The following STK39 variants were observed in gnomAD, a reference collection of about 807,000 sequenced individuals.
STK39 encodes the protein STE20/SPS1-related proline-alanine-rich protein kinase.
A neutral mutation model predicts 77.8 loss-of-function variants in STK39; 20 were observed. That is an observed-to-expected ratio of 0.26 (90% CI 0.18 to 0.37). The LOEUF is 0.37. Ranked by LOEUF, STK39 falls within the 10% of genes least tolerant of loss-of-function variation. The pLI is 1.00. For missense variants in STK39, 479 were observed against 656.5 expected (o/e 0.73, Z 2.95); for synonymous variants, 246 against 234.1 (o/e 1.05, Z -0.47).
chr2:168,060,580 TAGACA>T (rs1339004500), intron 14 of STK39, among the ~76,000 whole-genome samples: 6 of 152,144 alleles, frequency 3.9e-5, no homozygotes, highest in Admixed American at 3.3e-4. Flanking sequence ...GCAACCTAAC[TAGACA>T]AATGTACCAA....
At chr2:168,023,283 G>A (rs1223678821) in intron 14 of STK39, among the ~76,000 whole-genome samples, 1 of 138,936 alleles carries the variant, frequency 7.2e-6, no homozygotes, top group African/African-American at 2.7e-5. Flanking sequence ...TTTTTGCTAT[G>A]TCTATTTAAC....
chr2:168,024,466 C>T (rs976224919), intron 14 of STK39, among the ~76,000 whole-genome samples: 14 of 152,196 alleles, frequency 9.2e-5, no homozygotes, highest in African/African-American at 2.9e-4. Flanking sequence ...GTCATGAGGG[C>T]GCCACCCTCA....
At chr2:168,230,167 GTA>G (rs1320157830) in intron 1 of STK39, among the ~76,000 whole-genome samples, 3 of 152,144 alleles carry the variant, frequency 2.0e-5, no homozygotes, top group African/African-American at 7.2e-5. Flanking sequence ...TTCCATCCTT[GTA>G]TATATATCCC....
intron 1 of STK39, among the ~76,000 whole-genome samples, chr2:168,242,125 CTT>C (rs537866447): frequency 1.3e-4 from 20 of 152,224 alleles, no homozygotes; most frequent in African/African-American, 4.8e-4. Flanking sequence ...CAAGAGAGAT[CTT>C]GAGATCTCTC....
rs867490370 is a variant in STK39 at position 168,145,470 on chromosome 2, T to C, written c.629-4712A>G. 5.9e-5 allele frequency among the ~76,000 whole-genome samples: 9 copies of C among 152,042 alleles called. 2 individuals are homozygous for C. In the Middle Eastern group the frequency reaches 0.014, roughly 230 times the overall value. ...GCTTGGCACCAGAAGAAAGTTGCCA[T>C]AGAGAAATGTAGACCCAGGATTGCT... On this transcript the variant is annotated intron_variant, in intron 5 of 17. Coordinates refer to ENST00000355999, the MANE Select transcript of STK39 (RefSeq NM_013233.3).
chr2:168,022,495 C>T (rs1684594921), intron 14 of STK39, among the ~76,000 whole-genome samples: 1 of 152,148 alleles, frequency 6.6e-6, no homozygotes, highest in South Asian at 2.1e-4. Flanking sequence ...CTATTCAGTG[C>T]CTGCAGGTTA....
chr2:168,090,523 C>A (rs1414546690), intron 10 of STK39, among the ~76,000 whole-genome samples: 1 of 152,160 alleles, frequency 6.6e-6, no homozygotes, highest in African/African-American at 2.4e-5. Flanking sequence ...TCCCCATATC[C>A]AACATAACTG....
Position 168,247,567 on chromosome 2 carries a change from C to T in STK39, c.-132G>A, listed in dbSNP as rs1690973978. On this transcript the variant is annotated 5_prime_UTR_variant, in exon 1 of 18. Coordinates refer to ENST00000355999, the MANE Select transcript of STK39 (RefSeq NM_013233.3). ...CGCCCGCCGCCGCCGCCGCCGTCCC[C>T]GCCGAAGCCAGCTAGGAGGGGAGGG... 8.2e-6 allele frequency: 6 copies of T among 734,224 alleles called. No homozygotes were observed. Among genetic ancestry groups the T allele is most frequent in the East Asian group, 7.2e-5 (1 of 13,850 alleles). The allele number at this position is 734,224 out of a possible 1,614,324, so 45.5% of individuals were successfully genotyped here. A position where few individuals can be genotyped will look rare whatever the true frequency, so the allele number is the denominator to read the frequency against.
At chr2:168,181,259 T>C (rs1201188483) in intron 2 of STK39, among the ~76,000 whole-genome samples, 2 of 152,158 alleles carry the variant, frequency 1.3e-5, no homozygotes, top group East Asian at 3.8e-4. Context: ...ACAACAACGA[T>C]ATTTATGAGA....
intron 2 of STK39, among the ~76,000 whole-genome samples, chr2:168,179,446 T>C (rs952414220): frequency 2.7e-5 from 4 of 146,584 alleles, no homozygotes; most frequent in African/African-American, 5.3e-5. Context: ...TAAAGAACCA[T>C]AGCCATTTCC....
chr2:168,245,162 G>C (rs1690865690), intron 1 of STK39, among the ~76,000 whole-genome samples: 1 of 152,172 alleles, frequency 6.6e-6, no homozygotes, highest in South Asian at 2.1e-4. Context: ...TTCACAGCTG[G>C]TTAGTGAAGG....
intron 2 of STK39, among the ~76,000 whole-genome samples, chr2:168,172,489 C>T (rs1175913648): frequency 6.6e-6 from 1 of 152,098 alleles, no homozygotes; most frequent in African/African-American, 2.4e-5. Flanking sequence ...TGGTAAACTG[C>T]CTCAAACTCT....
At chr2:168,195,315 G>A (rs983381520) in intron 1 of STK39, among the ~76,000 whole-genome samples, 5 of 152,134 alleles carry the variant, frequency 3.3e-5, no homozygotes, top group Non-Finnish European at 4.4e-5. Flanking sequence ...TGGGAAGATC[G>A]CTTGAGCAGA....
intron 16 of STK39, among the ~76,000 whole-genome samples, chr2:167,995,061 C>A (rs983407753): frequency 6.6e-6 from 1 of 151,044 alleles, no homozygotes; most frequent in African/African-American, 2.4e-5. Context: ...TATTTGATTT[C>A]ATCATTAAAA....
intron 7 of STK39, among the ~76,000 whole-genome samples, chr2:168,139,765 C>T (rs899630675): frequency 6.6e-6 from 1 of 151,904 alleles, no homozygotes; most frequent in African/African-American, 2.4e-5. Flanking sequence ...GAGGTATAAA[C>T]CAGTTAAAAG....
intron 14 of STK39, among the ~76,000 whole-genome samples, chr2:168,048,819 C>A (rs1685318824): frequency 6.6e-6 from 1 of 152,222 alleles, no homozygotes. Flanking sequence ...TCCAGATGGT[C>A]ATATCATCTC....
rs564605855 is a variant in STK39 at position 168,048,629 on chromosome 2, C to T, written c.1376+14871G>A. 2.0e-4 allele frequency among the ~76,000 whole-genome samples: 30 copies of T among 152,258 alleles called. No individual in the cohort carries two copies. In the South Asian group the frequency reaches 6.0e-3, roughly 31 times the overall value. ...TGCAGGCCCCAGGGACAGTACAGGA[C>T]CTGGGTAAATGAAACCTGCTAGAAA... On this transcript the variant is annotated intron_variant, in intron 14 of 17. Coordinates refer to ENST00000355999, the MANE Select transcript of STK39 (RefSeq NM_013233.3).
chr2:168,187,288 C>T (rs1689233183), intron 1 of STK39, among the ~76,000 whole-genome samples: 1 of 151,736 alleles, frequency 6.6e-6, no homozygotes, highest in Non-Finnish European at 1.5e-5. Flanking sequence ...AAGGTAGAGG[C>T]TGCAGTGAGC....
intron 10 of STK39, among the ~76,000 whole-genome samples, chr2:168,088,933 A>G (rs775502161): frequency 6.6e-6 from 1 of 152,360 alleles, no homozygotes; most frequent in Non-Finnish European, 1.5e-5. Flanking sequence ...TATAAAGGTG[A>G]TATCTGAGAT....
Sources: gnomAD v4.1 joint callset for allele counts (sites outside exome capture counted in the v4.1 genomes callset) on GRCh38, gnomAD v4.1.1 for gene constraint, MANE v1.5 for transcripts, NCBI Gene and HGNC (gene_info 2026-07-23, HGNC 2026-07-21) for gene names.